ANK3: variants seen among roughly 807,000 people sequenced by gnomAD.
ANK3 encodes the protein ankyrin 3, also known as ankyrin-3.
ANK3 carries 57 observed loss-of-function variants against 370.9 expected under a neutral mutation model. The ratio of observed to expected loss-of-function variants is 0.15; its 90% CI spans 0.12 to 0.19. The LOEUF (loss-of-function observed/expected upper bound fraction) is 0.19. Among genes scored for constraint, ANK3 ranks in the 10% least tolerant of loss-of-function variants. ANK3 has a pLI of 1.00. For synonymous variants in ANK3, 1,929 were observed against 1,946.3 expected (o/e 0.99, Z 0.23); for missense variants, 4,439 against 5,302.1 (o/e 0.84, Z 5.06).
At chr10:60,083,354 C>T (rs891638242) in intron 33 of ANK3, 138 bp downstream of exon 33, 1 of 883,082 alleles carries the variant, frequency 1.1e-6, no homozygotes, top group African/African-American at 1.7e-5. Flanking sequence ...TCTGGTAGAA[C>T]CAGAACAAAA....
chr10:60,523,244 TTTA>T (rs2076390355), intron 2 of ANK3, among the ~76,000 whole-genome samples: 1 of 151,830 alleles, frequency 6.6e-6, no homozygotes, highest in South Asian at 2.1e-4. Flanking sequence ...TTTATTTTAT[TTTA>T]TTATTATTAT....
chr10:60,694,678 T>A (rs2079415982), intron 1 of ANK3, among the ~76,000 whole-genome samples: 3 of 151,980 alleles, frequency 2.0e-5, no homozygotes, highest in Middle Eastern at 3.4e-3. Context: ...GATAAAATAC[T>A]TTACAGACAA....
At chr10:60,698,669 G>A (rs916260719) in intron 1 of ANK3, among the ~76,000 whole-genome samples, 19 of 139,334 alleles carry the variant, frequency 1.4e-4, no homozygotes, top group South Asian at 1.2e-3. Context: ...ACCAAACACC[G>A]CATATTCTCA....
chr10:60,030,388 C>T (rs2073181170), intron 43 of ANK3, among the ~76,000 whole-genome samples: 1 of 152,100 alleles, frequency 6.6e-6, no homozygotes, highest in South Asian at 2.1e-4. Context: ...GTGAGCCGCC[C>T]ACCTTGGCCT....
intron 2 of ANK3, among the ~76,000 whole-genome samples, chr10:60,407,457 A>G (rs1434689208): frequency 1.3e-5 from 2 of 152,190 alleles, no homozygotes; most frequent in Non-Finnish European, 2.9e-5. Flanking sequence ...GGTATATGTG[A>G]GTGTTATGTT....
intron 1 of ANK3, chr10:60,300,515 G>A: frequency 4.9e-6 from 6 of 1,231,132 alleles, no homozygotes; most frequent in Non-Finnish European, 5.2e-6. Context: ...TATTTAAATG[G>A]AGGGTGGGCG....
chr10:60,398,446 C>T (rs1420350819), intron 2 of ANK3, among the ~76,000 whole-genome samples: 1 of 152,046 alleles, frequency 6.6e-6, no homozygotes, highest in Non-Finnish European at 1.5e-5. Flanking sequence ...TGTATATGTG[C>T]ATACCTGTAT....
intron 2 of ANK3, among the ~76,000 whole-genome samples, chr10:60,494,048 G>A (rs2075592693): frequency 6.6e-6 from 1 of 152,050 alleles, no homozygotes; most frequent in African/African-American, 2.4e-5. Context: ...GAGACTTCTG[G>A]GGAATTTTTC....
intron 2 of ANK3, among the ~76,000 whole-genome samples, chr10:60,541,994 T>C (rs2076859356): frequency 6.6e-6 from 1 of 151,920 alleles, no homozygotes; most frequent in African/African-American, 2.4e-5. Context: ...TGAGCTGCCA[T>C]AGATTAGCGT....
intron 8 of ANK3, among the ~76,000 whole-genome samples, chr10:60,216,330 CT>C (rs2132468982): frequency 6.6e-6 from 1 of 152,212 alleles, no homozygotes; most frequent in East Asian, 1.9e-4. Flanking sequence ...ACAGGGCATC[CT>C]TGTTTGTACC....
At chr10:60,673,551 C>T (rs1284528628) in intron 1 of ANK3, among the ~76,000 whole-genome samples, 1 of 152,036 alleles carries the variant, frequency 6.6e-6, no homozygotes, top group African/African-American at 2.4e-5. Context: ...GGGGTTCCAC[C>T]ATGTTGACCA....
At position 60,070,996 on chromosome 10, in the gene ANK3, C is replaced by T. The variant is rs186691477; in HGVS notation, c.9885G>A (p.Leu3295=). Reference sequence around the variant, plus strand: ...GCTGCACTCTAATGACAGGTTCAGCCAGCTGGTACTTGTCATGCTCATCTT... The same window carrying T: ...GCTGCACTCTAATGACAGGTTCAGCTAGCTGGTACTTGTCATGCTCATCTT... The part of the protein sequence containing the change: ...NLQDEHDKYQ[L]AEPVIRVQPP... Residue 3295 remains leucine, a synonymous_variant, in exon 37 of 44, where the codon CTG becomes CTA. Coordinates refer to ENST00000280772, the MANE Select transcript of ANK3 (RefSeq NM_020987.5). The surrounding 1 kb of genome is among the most constrained non-coding windows in gnomAD (Gnocchi z 5.7). The T allele has an allele frequency of 9.9e-6, 16 of 1,614,128 alleles. No individual in the cohort carries two copies. In the Admixed American group the frequency reaches 1.8e-4, roughly 18 times the overall value.
At chr10:60,525,283 G>A (rs911682283) in intron 2 of ANK3, among the ~76,000 whole-genome samples, 2 of 152,022 alleles carry the variant, frequency 1.3e-5, no homozygotes, top group Non-Finnish European at 2.9e-5. Context: ...ATGTAAAAAT[G>A]TCAAAGCTGA....
intron 1 of ANK3, among the ~76,000 whole-genome samples, chr10:60,653,264 C>A (rs866098071): frequency 3.9e-5 from 6 of 152,040 alleles, no homozygotes; most frequent in African/African-American, 1.4e-4. Flanking sequence ...TAGTTTTCTT[C>A]TAGAAGATTT....
intron 2 of ANK3, among the ~76,000 whole-genome samples, chr10:60,496,760 A>C (rs1395128123): frequency 1.3e-5 from 2 of 149,152 alleles, no homozygotes; most frequent in Non-Finnish European, 3.0e-5. Context: ...AGATCACCCT[A>C]ATTTACAAAG....
At chr10:60,182,917 C>A (rs897736727) in intron 17 of ANK3, among the ~76,000 whole-genome samples, 4 of 152,168 alleles carry the variant, frequency 2.6e-5, no homozygotes, top group African/African-American at 9.7e-5. Context: ...AACCATGTTC[C>A]GTGTTCTCCT....
At chr10:60,725,480 CAGCAGCCCCCATCTGT>C (rs1221123304) in intron 1 of ANK3, among the ~76,000 whole-genome samples, 2 of 152,156 alleles carry the variant, frequency 1.3e-5, no homozygotes. Flanking sequence ...CTTCCCAGAA[CAGCAGCCCCCATCTGT>C]GCTTCCACCA....
intron 2 of ANK3, among the ~76,000 whole-genome samples, chr10:60,455,719 G>A (rs928297121): frequency 1.1e-4 from 17 of 152,200 alleles, no homozygotes; most frequent in Middle Eastern, 3.4e-3. Context: ...TTGAGGCACC[G>A]TGATCCCATT....
At chr10:60,037,536 T>C (rs982743437) in intron 43 of ANK3, among the ~76,000 whole-genome samples, 2 of 152,202 alleles carry the variant, frequency 1.3e-5, no homozygotes, top group African/African-American at 4.8e-5. Context: ...AATGAGAACA[T>C]ATGGTATTTG....
Sources: gnomAD v4.1 joint callset for allele counts (sites outside exome capture counted in the v4.1 genomes callset) on GRCh38, gnomAD v4.1.1 for gene constraint, Gnocchi (gnomAD v3.1) non-coding constraint, MANE v1.5 for transcripts, NCBI Gene and HGNC (gene_info 2026-07-23, HGNC 2026-07-21) for gene names.